SUPT3H: variants seen among roughly 807,000 people sequenced by gnomAD.
The protein encoded by SUPT3H is transcription initiation protein SPT3 homolog.
SUPT3H carries 44 observed loss-of-function variants against 44.3 expected under a neutral mutation model. The ratio of observed to expected loss-of-function variants is 0.99; its 90% CI spans 0.78 to 1.28. The LOEUF (loss-of-function observed/expected upper bound fraction) is 1.28, where lower values mean the gene tolerates loss of function less well. SUPT3H is among the 50% of genes most tolerant of loss of function. SUPT3H has a pLI of 0.00. For missense variants in SUPT3H, 380 were observed against 387.1 expected (o/e 0.98, Z 0.15); for synonymous variants, 124 against 125.6 (o/e 0.99, Z 0.09).
intron 11 of SUPT3H, among the ~76,000 whole-genome samples, chr6:44,820,844 T>C (rs1705812852): frequency 6.6e-6 from 1 of 152,150 alleles, no homozygotes; most frequent in African/African-American, 2.4e-5. Flanking sequence ...GAAGGTCTTA[T>C]AGAGAAAGTG....
intron 1 of SUPT3H, among the ~76,000 whole-genome samples, chr6:45,366,157 C>T (rs1581944205): frequency 6.6e-6 from 1 of 152,112 alleles, no homozygotes; most frequent in Non-Finnish European, 1.5e-5. Flanking sequence ...CTTTGCAAAG[C>T]TGTAATTTTC....
chr6:45,312,674 C>T (rs1002839710), intron 2 of SUPT3H, among the ~76,000 whole-genome samples: 3 of 49,130 alleles, frequency 6.1e-5, no homozygotes, highest in African/African-American at 1.1e-4. Context: ...GACAGCAACA[C>T]AATAATGTGG....
intron 3 of SUPT3H, among the ~76,000 whole-genome samples, chr6:45,048,604 C>T (rs1363837045): frequency 2.6e-5 from 4 of 152,124 alleles, no homozygotes; most frequent in South Asian, 2.1e-4. Context: ...CCTATGTTCA[C>T]TGCAGTATTA....
intron 5 of SUPT3H, among the ~76,000 whole-genome samples, chr6:45,010,817 T>A (rs1328848711): frequency 6.6e-6 from 1 of 152,096 alleles, no homozygotes; most frequent in Non-Finnish European, 1.5e-5. Context: ...CTTCAACATA[T>A]ATATTCAGAG....
At chr6:45,289,796 T>C (rs1780006536) in intron 2 of SUPT3H, among the ~76,000 whole-genome samples, 1 of 152,220 alleles carries the variant, frequency 6.6e-6, no homozygotes, top group African/African-American at 2.4e-5. Context: ...GCTTGCTGTT[T>C]AGATTTTAAA....
chr6:45,140,596 A>G (rs1562536605), intron 2 of SUPT3H, among the ~76,000 whole-genome samples: 1 of 151,978 alleles, frequency 6.6e-6, no homozygotes, highest in Non-Finnish European at 1.5e-5. Flanking sequence ...TCAGCATTCA[A>G]AAAAGCCAGT....
At chr6:45,177,736 C>T (rs1324942318) in intron 2 of SUPT3H, among the ~76,000 whole-genome samples, 2 of 151,938 alleles carry the variant, frequency 1.3e-5, no homozygotes, top group Non-Finnish European at 2.9e-5. Context: ...AGAAACTCTA[C>T]AAGCCAGAAG....
rs545858021 is a variant in SUPT3H, at chr6:44,858,158, C to T, written c.913-28301G>A. On this transcript the variant is annotated intron_variant, in intron 10 of 10. Transcript: ENST00000371459. ...ACTACATTACTACTACACTACACTA[C>T]ATTATAATTGAACCTTGAGGGTAGG... 5.5e-4 allele frequency among the ~76,000 whole-genome samples: 83 copies of T among 152,280 alleles called. No individual in the cohort carries two copies. In the Middle Eastern group the frequency reaches 0.01, roughly 19 times the overall value.
intron 2 of SUPT3H, among the ~76,000 whole-genome samples, chr6:45,349,173 G>GA (rs1562999705): frequency 6.6e-6 from 1 of 152,016 alleles, no homozygotes; most frequent in Non-Finnish European, 1.5e-5. Flanking sequence ...ACTAGAGGGG[G>GA]AAAAAAGAAT....
intron 2 of SUPT3H, among the ~76,000 whole-genome samples, chr6:45,271,869 G>A (rs953825522): frequency 6.6e-6 from 1 of 152,152 alleles, no homozygotes; most frequent in African/African-American, 2.4e-5. Flanking sequence ...CAAGACCATG[G>A]GAACCCACCT....
intron 2 of SUPT3H, among the ~76,000 whole-genome samples, chr6:45,150,027 C>T (rs75428966): frequency 0.015 from 2,261 of 151,884 alleles, 60 homozygotes; most frequent in African/African-American, 0.05. Flanking sequence ...GAAATTGGGG[C>T]CCCAGCATCA....
intron 6 of SUPT3H, among the ~76,000 whole-genome samples, chr6:44,990,162 G>A (rs1258536414): frequency 6.6e-6 from 1 of 151,056 alleles, no homozygotes; most frequent in Non-Finnish European, 1.5e-5. Context: ...TAATTACGGT[G>A]AGAGATAAGG....
intron 2 of SUPT3H, among the ~76,000 whole-genome samples, chr6:45,124,313 C>A: frequency 6.6e-6 from 1 of 151,886 alleles, no homozygotes; most frequent in East Asian, 1.9e-4. Context: ...AAGCAATCAA[C>A]TTCATGTTCT....
intron 10 of SUPT3H, among the ~76,000 whole-genome samples, chr6:44,925,026 A>T (rs1322949286): frequency 1.3e-5 from 2 of 152,226 alleles, no homozygotes; most frequent in Non-Finnish European, 2.9e-5. Context: ...AAAATGATCA[A>T]AACAATCTGC....
At chr6:45,057,510 C>CA (rs1284400222) in intron 3 of SUPT3H, among the ~76,000 whole-genome samples, 12 of 151,574 alleles carry the variant, frequency 7.9e-5, no homozygotes, top group South Asian at 2.1e-4. Flanking sequence ...AAAAACAAAA[C>CA]AAAAAAAACC....
intron 3 of SUPT3H, among the ~76,000 whole-genome samples, chr6:45,041,925 G>C (rs889817449): frequency 1.5e-4 from 23 of 152,232 alleles, no homozygotes; most frequent in African/African-American, 5.1e-4. Flanking sequence ...AAGATACCAT[G>C]GTACGCAGGC....
intron 2 of SUPT3H, among the ~76,000 whole-genome samples, chr6:45,130,275 A>G (rs1423302596): frequency 6.6e-6 from 1 of 152,194 alleles, no homozygotes; most frequent in Admixed American, 6.5e-5. Flanking sequence ...ATTATACAAT[A>G]TGTGGCCTTT....
chr6:45,081,865 TGGAAAAAATAGGG>T, intron 3 of SUPT3H, among the ~76,000 whole-genome samples: 1 of 152,052 alleles, frequency 6.6e-6, no homozygotes, highest in Non-Finnish European at 1.5e-5. Context: ...TTTTTGAGCC[TGGAAAAAATAGGG>T]GGAAAAAATC....
At chr6:45,030,229 G>A (rs1352104617) in intron 3 of SUPT3H, among the ~76,000 whole-genome samples, 1 of 152,164 alleles carries the variant, frequency 6.6e-6, no homozygotes, top group African/African-American at 2.4e-5. Context: ...ACTGGAAATT[G>A]ATGTATTTTT....
Sources: allele counts gnomAD v4.1 joint callset (sites outside exome capture counted in the v4.1 genomes callset), GRCh38; gene constraint gnomAD v4.1.1; transcripts MANE v1.5; gene names NCBI Gene and HGNC (gene_info 2026-07-23, HGNC 2026-07-21).